The following DTNA variants were observed in gnomAD, a reference collection of about 807,000 sequenced individuals.
The protein encoded by DTNA is dystrobrevin alpha, also known as dystrophin-related protein 3.
DTNA carries 43 observed loss-of-function variants against 100.7 expected under a neutral mutation model. The observed-to-expected ratio is 0.43, with a 90% CI of 0.33 to 0.55. The LOEUF (loss-of-function observed/expected upper bound fraction) is 0.55. Among genes scored for constraint, DTNA ranks in the 20% least tolerant of loss-of-function variants. The probability of loss-of-function intolerance (pLI) is 0.04; values close to 1 mark genes in which losing one functional copy is unlikely to be tolerated. For missense variants in DTNA, 798 were observed against 953.9 expected (o/e 0.84, Z 2.15); for synonymous variants, 349 against 347.9 (o/e 1.00, Z -0.04).
rs1294449585 is a variant in DTNA, at chr18:34,860,233, T to G, written c.1646+1835T>G. On this transcript the variant is annotated intron_variant, in intron 16 of 22. Transcript: ENST00000444659. ...GGCTAATTTTTTGTTTTTTTTTTTT[T>G]TTTTTTTTTTTTTTTTGGAGAGACG... 1.4e-3 allele frequency among the ~76,000 whole-genome samples: 190 copies of G among 138,058 alleles called. No individual in the cohort carries two copies. In the South Asian group the frequency reaches 0.015, roughly 11 times the overall value. 90.6% of individuals were successfully genotyped at this position (138,058 alleles called of 152,430 possible). A position where few individuals can be genotyped will look rare whatever the true frequency, so the allele number is the denominator to read the frequency against.
chr18:34,698,523 CTCT>C (rs1334817053), intron 1 of DTNA, among the ~76,000 whole-genome samples: 1 of 152,172 alleles, frequency 6.6e-6, no homozygotes, highest in East Asian at 1.9e-4. Flanking sequence ...ACATTCTCTC[CTCT>C]TCTTATACAG....
At chr18:34,753,828 T>G (rs971978627) in intron 1 of DTNA, among the ~76,000 whole-genome samples, 23 of 152,226 alleles carry the variant, frequency 1.5e-4, no homozygotes, top group Non-Finnish European at 3.2e-4. Flanking sequence ...TTCATACTAT[T>G]TTGTGAAAGT....
intron 1 of DTNA, among the ~76,000 whole-genome samples, chr18:34,523,722 A>G (rs573177404): frequency 1.3e-5 from 2 of 152,176 alleles, no homozygotes; most frequent in African/African-American, 4.8e-5. Flanking sequence ...AGGTAAAGTG[A>G]CTAGAGCTCA....
At chr18:34,884,400 G>A (rs528262129) in intron 21 of DTNA, among the ~76,000 whole-genome samples, 2 of 152,068 alleles carry the variant, frequency 1.3e-5, no homozygotes, top group South Asian at 4.1e-4. Flanking sequence ...TTTTACCATC[G>A]CTGGTAAATC....
intron 7 of DTNA, among the ~76,000 whole-genome samples, chr18:34,816,594 C>A (rs2095602812): frequency 6.6e-6 from 1 of 152,024 alleles, no homozygotes. Context: ...TATGAAATAC[C>A]ATTTGGGGCA....
chr18:34,612,405 G>A (rs2054401935), intron 1 of DTNA, among the ~76,000 whole-genome samples: 1 of 152,106 alleles, frequency 6.6e-6, no homozygotes, highest in African/African-American at 2.4e-5. Flanking sequence ...AGGCCCCCAG[G>A]GATCCTGTAC....
intron 1 of DTNA, among the ~76,000 whole-genome samples, chr18:34,550,821 A>G (rs1183165989): frequency 6.6e-6 from 1 of 152,180 alleles, no homozygotes. Flanking sequence ...ATGTCTTTAA[A>G]AGATTATCTC....
chr18:34,688,232 A>C lies in DTNA; in HGVS notation c.-1-67744A>C, dbSNP rs143002455. Among the ~76,000 whole-genome samples, 526 of 152,244 alleles carry C rather than the reference A, an allele frequency of 3.5e-3. 6 individuals are homozygous for C. The highest frequency in any genetic ancestry group is 0.012 in the African/African-American group (501 of 41,554). On this transcript the variant is annotated intron_variant, in intron 1 of 19. Coordinates refer to the DTNA transcript ENST00000283365. Reference sequence around the variant, plus strand: ...CTATTAGTTGATGCAGTTTCTTCATAGTGTGGATGGTCTTTACAATTTGGT... The same window carrying C: ...CTATTAGTTGATGCAGTTTCTTCATCGTGTGGATGGTCTTTACAATTTGGT...
At chr18:34,766,532 A>G (rs4378684) in intron 3 of DTNA, among the ~76,000 whole-genome samples, 142,501 of 151,506 alleles carry the variant, frequency 0.94, 67,677 homozygotes, top group East Asian at 1. Flanking sequence ...GTGGTGTGGG[A>G]GGAAGGGGGA....
chr18:34,880,252 T>C (rs1418958157), intron 20 of DTNA, among the ~76,000 whole-genome samples: 1 of 152,210 alleles, frequency 6.6e-6, no homozygotes, highest in African/African-American at 2.4e-5. Context: ...CAAAGACTTA[T>C]TTGCAAAAGT....
chr18:34,813,639 G>A (rs35439231), intron 6 of DTNA, among the ~76,000 whole-genome samples: 5,079 of 152,084 alleles, frequency 0.033, 144 homozygotes, highest in Non-Finnish European at 0.049. Flanking sequence ...CGGATCACAA[G>A]GTCAGGAGTT....
At position 34,890,317 on chromosome 18, in the gene DTNA, G is replaced by C; in HGVS notation, c.*2583G>C. On this transcript the variant is annotated 3_prime_UTR_variant, in exon 23 of 23. Coordinates refer to ENST00000444659, the MANE Select transcript of DTNA (RefSeq NM_001386795.1). ...TCTCTTAGCTCCACGTCAGCACTGAGACCAGACTCGAGCACCCCTGTCCTG... is the reference window on the plus strand; with the variant it reads ...TCTCTTAGCTCCACGTCAGCACTGACACCAGACTCGAGCACCCCTGTCCTG... 1 of 1,536,088 alleles carries C rather than the reference G, an allele frequency of 6.5e-7. No homozygotes were observed. The highest frequency in any genetic ancestry group is 8.7e-7 in the Non-Finnish European group (1 of 1,146,888).
intron 1 of DTNA, among the ~76,000 whole-genome samples, chr18:34,579,756 TTGG>T (rs1299258697): frequency 6.6e-6 from 1 of 152,180 alleles, no homozygotes; most frequent in African/African-American, 2.4e-5. Flanking sequence ...CAACGTGTTG[TTGG>T]TGGTGGTGGA....
At chr18:34,537,213 A>T (rs796211809) in intron 1 of DTNA, among the ~76,000 whole-genome samples, 87 of 152,114 alleles carry the variant, frequency 5.7e-4, no homozygotes, top group African/African-American at 2.0e-3. Context: ...AAATTTTTAC[A>T]TCCTACTAAA....
At chr18:34,686,590 T>G (rs755499999) in intron 1 of DTNA, among the ~76,000 whole-genome samples, 8 of 152,214 alleles carry the variant, frequency 5.3e-5, no homozygotes, top group Non-Finnish European at 7.3e-5. Flanking sequence ...AATATTGGCC[T>G]GAAATTTTCT....
intron 1 of DTNA, among the ~76,000 whole-genome samples, chr18:34,615,131 G>T (rs1007575252): frequency 1.3e-5 from 2 of 152,112 alleles, no homozygotes; most frequent in African/African-American, 2.4e-5. Flanking sequence ...TTAGCTTCTG[G>T]GGAGGCCTCA....
At chr18:34,765,856 A>T in intron 2 of DTNA, 105 bp from the exon 3 acceptor site, 1 of 1,078,926 alleles carries the variant, frequency 9.3e-7, no homozygotes, top group Non-Finnish European at 1.4e-6. Context: ...TAATAAAAAT[A>T]AAATTAGGGG....
intron 12 of DTNA, 108 bp from the exon 13 acceptor site, chr18:34,838,637 C>G: frequency 1.1e-6 from 1 of 887,162 alleles, no homozygotes; most frequent in Non-Finnish European, 1.9e-6. Context: ...CCTTTACCTG[C>G]TTGGTTTTCT....
intron 1 of DTNA, among the ~76,000 whole-genome samples, chr18:34,514,255 T>C (rs1305814527): frequency 1.3e-5 from 2 of 152,124 alleles, no homozygotes. Flanking sequence ...TAAATGTATG[T>C]ATAAAACAGT....
Sources: gnomAD v4.1 joint callset for allele counts (sites outside exome capture counted in the v4.1 genomes callset) on GRCh38, gnomAD v4.1.1 for gene constraint, MANE v1.5 for transcripts, NCBI Gene and HGNC (gene_info 2026-07-23, HGNC 2026-07-21) for gene names.